The following DYM variants were observed in gnomAD, a reference collection of about 807,000 sequenced individuals.
The protein encoded by DYM is dyggve-Melchior-Clausen syndrome protein.
Under a neutral mutation model 93.1 loss-of-function variants are expected in DYM, and 78 were observed. The observed-to-expected ratio is 0.84, with a 90% CI of 0.70 to 1.01. DYM has a LOEUF of 1.01. Among genes scored for constraint, DYM ranks in the 50% least tolerant of loss-of-function variants. The probability of loss-of-function intolerance (pLI) is 0.00; values close to 1 mark genes in which losing one functional copy is unlikely to be tolerated. For synonymous variants in DYM, 321 were observed against 319.7 expected (o/e 1.00, Z -0.04); for missense variants, 789 against 845.0 (o/e 0.93, Z 0.82).
chr18:49,200,861 G>C (rs563316182), intron 14 of DYM, among the ~76,000 whole-genome samples: 1 of 152,192 alleles, frequency 6.6e-6, no homozygotes, highest in African/African-American at 2.4e-5. Context: ...TTTGTGGTAA[G>C]AACACTTAAA....
intron 6 of DYM, among the ~76,000 whole-genome samples, chr18:49,334,529 G>A (rs975317327): frequency 1.4e-4 from 22 of 152,126 alleles, no homozygotes; most frequent in African/African-American, 5.1e-4. Flanking sequence ...GAGGAATAAA[G>A]GCATCCAGAA....
At chr18:49,322,376 TCTTATAA>T (rs2062551512) in intron 8 of DYM, among the ~76,000 whole-genome samples, 1 of 152,028 alleles carries the variant, frequency 6.6e-6, no homozygotes, top group South Asian at 2.1e-4. Flanking sequence ...TACAGCTTTG[TCTTATAA>T]CTTAAAACAC....
chr18:49,163,801 C>T lies in DYM; in HGVS notation c.1626-14G>A. 6.5e-7 allele frequency: 1 copy of T among 1,531,842 alleles called. No individual in the cohort carries two copies. Among genetic ancestry groups the T allele is most frequent in the Non-Finnish European group, 9.0e-7 (1 of 1,113,168 alleles). The allele number at this position is 1,531,842 out of a possible 1,614,324, so 94.9% of individuals were successfully genotyped here. On this transcript the variant is annotated splice_polypyrimidine_tract_variant and intron_variant, in intron 14 of 17. Transcript: ENST00000675505. ...AAAGAAAATAAACTGGAAAAACAAA[C>T]AAAAAACCAATTATATTAAAGGAAC...
chr18:49,144,706 G>A (rs1267484144), intron 15 of DYM, among the ~76,000 whole-genome samples: 2 of 152,076 alleles, frequency 1.3e-5, no homozygotes, highest in African/African-American at 4.8e-5. Flanking sequence ...AAAAGCATAA[G>A]TCCATGCAGG....
intron 10 of DYM, among the ~76,000 whole-genome samples, chr18:49,275,795 GT>G (rs1277477850): frequency 3.9e-5 from 6 of 152,094 alleles, no homozygotes; most frequent in African/African-American, 1.4e-4. Context: ...CACAGTGTAA[GT>G]TTTGTACTTC....
At position 49,313,462 on chromosome 18, in the gene DYM, C is replaced by CAAAAAAAAAA. The variant is rs60775305; in HGVS notation, c.763+18392_763+18401dup. ...TCGGCAACAGAGCAAGACTCTGTCA[C>CAAAAAAAAAA]AAAAAAAAAAAAAAAAAAAAAAAAA... On this transcript the variant is annotated intron_variant, in intron 8 of 17. Coordinates refer to ENST00000675505, the MANE Select transcript of DYM (RefSeq NM_001353214.3). Among the ~76,000 whole-genome samples, 43 of 28,560 alleles carry CAAAAAAAAAA rather than the reference C, an allele frequency of 1.5e-3. 4 individuals are homozygous for CAAAAAAAAAA. Among genetic ancestry groups the CAAAAAAAAAA allele is most frequent in the Non-Finnish European group, 2.0e-3 (31 of 15,882 alleles). 18.7% of individuals were successfully genotyped at this position (28,560 alleles called of 152,430 possible).
chr18:49,215,446 T>C (rs2092987933), intron 13 of DYM, among the ~76,000 whole-genome samples: 1 of 152,232 alleles, frequency 6.6e-6, no homozygotes, highest in Admixed American at 6.5e-5. Context: ...GTTAGTTTTA[T>C]TATAGTTTTG....
At chr18:49,199,266 A>T (rs1220236273) in intron 14 of DYM, among the ~76,000 whole-genome samples, 1 of 152,244 alleles carries the variant, frequency 6.6e-6, no homozygotes, top group East Asian at 1.9e-4. Flanking sequence ...ATTAGGAGAT[A>T]TACCTAATGT....
chr18:49,084,650 T>C (rs2078339984), intron 17 of DYM, among the ~76,000 whole-genome samples: 1 of 152,186 alleles, frequency 6.6e-6, no homozygotes, highest in Non-Finnish European at 1.5e-5. Context: ...TTTGAAATAA[T>C]CTAGATGTCC....
intron 2 of DYM, among the ~76,000 whole-genome samples, chr18:49,405,218 T>C (rs1021031643): frequency 2.6e-5 from 4 of 152,206 alleles, no homozygotes; most frequent in African/African-American, 9.7e-5. Flanking sequence ...GTTGATTTTT[T>C]ATTTTGCTGT....
chr18:49,062,465 G>A (rs1018511743), intron 17 of DYM, among the ~76,000 whole-genome samples: 1 of 152,112 alleles, frequency 6.6e-6, no homozygotes, highest in African/African-American at 2.4e-5. Context: ...GGACTCTTCT[G>A]GTCCTCCTGC....
At chr18:49,352,430 G>T (rs1300602804) in intron 6 of DYM, among the ~76,000 whole-genome samples, 1 of 152,142 alleles carries the variant, frequency 6.6e-6, no homozygotes, top group East Asian at 1.9e-4. Context: ...AACACAAAAA[G>T]CTAAGAAATG....
intron 8 of DYM, among the ~76,000 whole-genome samples, chr18:49,321,551 C>G (rs1301009866): frequency 6.6e-6 from 1 of 152,026 alleles, no homozygotes; most frequent in African/African-American, 2.4e-5. Flanking sequence ...TTTAAGAAGT[C>G]TAAAATCTGA....
chr18:49,074,022 T>C (rs1473743255), intron 17 of DYM, among the ~76,000 whole-genome samples: 2 of 152,176 alleles, frequency 1.3e-5, no homozygotes, highest in African/African-American at 2.4e-5. Context: ...TTTAAAACTA[T>C]CCGAGTTGTG....
intron 2 of DYM, among the ~76,000 whole-genome samples, chr18:49,393,412 T>A (rs1359572231): frequency 6.6e-6 from 1 of 152,136 alleles, no homozygotes; most frequent in Non-Finnish European, 1.5e-5. Context: ...CCCACATGTG[T>A]ACCAACAGAT....
At chr18:49,208,762 A>T (rs2146083550) in intron 14 of DYM, 1 of 152,288 alleles carries the variant, frequency 6.6e-6, no homozygotes, top group South Asian at 2.1e-4. Context: ...ATTGCCTTAA[A>T]TCACCATATC....
At position 49,358,278 on chromosome 18, in the gene DYM, C is replaced by T. The variant is rs183092629; in HGVS notation, c.494+4883G>A. ...GGTGGCCATTTCTAAAGAAACAAAA[C>T]CTGAAGCAGATGAAAGCTTGAAGGT... On this transcript the variant is annotated intron_variant, in intron 6 of 17. Transcript: ENST00000675505. Among the ~76,000 whole-genome samples the T allele has an allele frequency of 9.2e-5, 14 of 152,200 alleles. No individual in the cohort carries two copies. The East Asian group carries it at 1.2e-3, about 13-fold the overall frequency.
chr18:49,125,525 C>A (rs774098555), intron 15 of DYM, among the ~76,000 whole-genome samples: 1 of 152,144 alleles, frequency 6.6e-6, no homozygotes, highest in East Asian at 1.9e-4. Context: ...GTCAGGTCTA[C>A]GTTAATTGGT....
intron 17 of DYM, among the ~76,000 whole-genome samples, chr18:49,080,717 C>T (rs1212649859): frequency 3.4e-5 from 5 of 145,840 alleles, no homozygotes; most frequent in Non-Finnish European, 6.1e-5. Context: ...GGGTGGCTGC[C>T]GGGCAGAGGG....
Sources: allele counts gnomAD v4.1 joint callset (sites outside exome capture counted in the v4.1 genomes callset), GRCh38; gene constraint gnomAD v4.1.1; transcripts MANE v1.5; gene names NCBI Gene and HGNC (gene_info 2026-07-23, HGNC 2026-07-21).